SPTLC1: variants seen among roughly 807,000 people sequenced by gnomAD.
SPTLC1 encodes serine palmitoyltransferase long chain base subunit 1.
SPTLC1 carries 55 observed loss-of-function variants against 68.9 expected under a neutral mutation model. That is an observed-to-expected ratio of 0.80 (90% CI 0.64 to 1.00). SPTLC1 has a LOEUF of 1.00. SPTLC1 is among the 50% of genes least tolerant of loss of function. SPTLC1 has a pLI of 0.00. For synonymous variants in SPTLC1, 197 were observed against 201.6 expected, an observed-to-expected ratio of 0.98 and a Z score of 0.19; for missense variants, 449 against 573.1, an observed-to-expected ratio of 0.78 and a Z score of 2.21.
intron 7 of SPTLC1, among the ~76,000 whole-genome samples, chr9:92,056,676 T>C (rs1833903014): frequency 6.6e-6 from 1 of 152,188 alleles, no homozygotes; most frequent in Non-Finnish European, 1.5e-5. Flanking sequence ...ATTACCTTCT[T>C]ACTCAGAGAT....
chr9:92,049,508 C>T (rs75495395), intron 9 of SPTLC1, among the ~76,000 whole-genome samples: 37 of 152,120 alleles, frequency 2.4e-4, no homozygotes, highest in Non-Finnish European at 2.5e-4. Context: ...CACACACACA[C>T]GCACGCACGC....
Position 92,112,463 on chromosome 9 carries a change from T to TA in SPTLC1, c.156dup (p.Thr53TyrfsTer10). 1.3e-6 allele frequency: 2 copies of TA among 1,597,486 alleles called. No homozygotes were observed. Among genetic ancestry groups the TA allele is most frequent in the Non-Finnish European group, 1.7e-6 (2 of 1,166,768 alleles). On this transcript the variant is annotated frameshift_variant, in exon 2 of 15. Transcript: ENST00000262554. LOFTEE classifies it high-confidence loss of function. ...GAGATTTAATTTCGTACCTTGACTGTAAGATCAGATCGTTCTTGTAATTTG... is the reference window on the plus strand; with the variant it reads ...GAGATTTAATTTCGTACCTTGACTGTAAAGATCAGATCGTTCTTGTAATTTG...
At chr9:92,110,284 T>C (rs1347487639) in intron 2 of SPTLC1, 1 of 152,234 alleles carries the variant, frequency 6.6e-6, no homozygotes, top group Non-Finnish European at 1.5e-5. Context: ...TTTATGAATG[T>C]AGATTTGATC....
intron 6 of SPTLC1, among the ~76,000 whole-genome samples, chr9:92,064,136 G>C (rs1224263294): frequency 3.9e-5 from 6 of 152,184 alleles, no homozygotes; most frequent in African/African-American, 1.4e-4. Flanking sequence ...CTAATTAAGT[G>C]AGTTTGGCAA....
At position 92,032,275 on chromosome 9, in the gene SPTLC1, T is replaced by C. The variant is rs552433019; in HGVS notation, c.*190A>G. The stretch of plus-strand genomic sequence containing the variant: ...AAATCAGTTCCTGGGCTTTTAGATG[T>C]GTTTTCTTTTTAAAAAAAATAAGCA... On this transcript the variant is annotated 3_prime_UTR_variant, in exon 15 of 15. Coordinates refer to ENST00000262554, the MANE Select transcript of SPTLC1 (RefSeq NM_006415.4). 17 of 1,531,958 alleles carry C rather than the reference T, an allele frequency of 1.1e-5. No homozygotes were observed. The highest frequency in any genetic ancestry group is 1.5e-5 in the Non-Finnish European group (17 of 1,144,962). 94.9% of individuals were successfully genotyped at this position (1,531,958 alleles called of 1,614,324 possible).
intron 2 of SPTLC1, chr9:92,109,213 C>G (rs1320101816): frequency 5.1e-6 from 1 of 196,074 alleles, no homozygotes; most frequent in African/African-American, 2.3e-5. Flanking sequence ...AAAGTACATT[C>G]CAAGGCCACC....
chr9:92,081,125 A>C (rs1283485671), intron 3 of SPTLC1, among the ~76,000 whole-genome samples, 162 bp from the exon 4 acceptor site: 3 of 152,246 alleles, frequency 2.0e-5, no homozygotes, highest in Non-Finnish European at 4.4e-5. Context: ...AGCATGGTAC[A>C]TTAAAAATAA....
chr9:92,078,434 TG>T (rs768230821), intron 5 of SPTLC1, among the ~76,000 whole-genome samples: 1 of 152,238 alleles, frequency 6.6e-6, no homozygotes, highest in Non-Finnish European at 1.5e-5. Flanking sequence ...CCATCAAGAA[TG>T]GAAGTCAGGA....
chr9:92,104,552 C>G, intron 3 of SPTLC1: 1 of 1,455,954 alleles, frequency 6.9e-7, no homozygotes. Context: ...GTTTGGACAC[C>G]TCAGCCCCGT....
chr9:92,112,648 C>A, intron 1 of SPTLC1, 86 bp from the exon 2 acceptor site: 1 of 816,840 alleles, frequency 1.2e-6, no homozygotes, highest in Non-Finnish European at 2.1e-6. Flanking sequence ...CATATACTGC[C>A]TCCTGTGACT....
chr9:92,035,101 G>A (rs972621169), intron 13 of SPTLC1, among the ~76,000 whole-genome samples: 1 of 152,170 alleles, frequency 6.6e-6, no homozygotes, highest in East Asian at 1.9e-4. Context: ...CCCAGCAGTC[G>A]CCATGAGCCC....
chr9:92,041,853 A>G (rs1833359165), intron 12 of SPTLC1, among the ~76,000 whole-genome samples: 2 of 152,256 alleles, frequency 1.3e-5, no homozygotes, highest in Non-Finnish European at 1.5e-5. Context: ...AGACAAATTT[A>G]TGATTTACCT....
In SPTLC1 at chr9:92,055,504, A is replaced by G; in HGVS notation, c.691-10T>C. 6.2e-7 allele frequency: 1 copy of G among 1,611,792 alleles called. No homozygotes were observed. The highest frequency in any genetic ancestry group is 8.5e-7 in the Non-Finnish European group (1 of 1,179,770). On this transcript the variant is annotated splice_polypyrimidine_tract_variant and intron_variant, in intron 7 of 14. Coordinates refer to ENST00000262554, the MANE Select transcript of SPTLC1 (RefSeq NM_006415.4). ...GAGCCTTGCGAGGATTCTTTAAAAG[A>G]GAAAAAGCAGACATCTTACATTTCA...
chr9:92,081,620 G>C (rs1367791577), intron 3 of SPTLC1, among the ~76,000 whole-genome samples: 1 of 152,188 alleles, frequency 6.6e-6, no homozygotes. Flanking sequence ...CGAGCCATGA[G>C]CCATGTTTCA....
intron 6 of SPTLC1, 129 bp downstream of exon 6, chr9:92,067,837 G>C: frequency 1.8e-6 from 2 of 1,107,392 alleles, no homozygotes; most frequent in Admixed American, 2.1e-5. Flanking sequence ...CTTTGGTGAG[G>C]TGACTATTTC....
In SPTLC1 at chr9:92,045,954, T is replaced by C. The variant is rs1213152843; in HGVS notation, c.1136+45A>G. ...AAAACTTTCCATTAGTTGTTAAGTG[T>C]GGTGCAGATAAACTTTATGTTGGTT... On this transcript the variant is annotated intron_variant, in intron 12 of 14. Coordinates refer to ENST00000262554, the MANE Select transcript of SPTLC1 (RefSeq NM_006415.4). 3.3e-6 allele frequency: 5 copies of C among 1,533,028 alleles called. No homozygotes were observed. The Admixed American group carries it at 5.1e-5, about 16-fold the overall frequency. 95.0% of individuals were successfully genotyped at this position (1,533,028 alleles called of 1,614,324 possible). A position where few individuals can be genotyped will look rare whatever the true frequency, so the allele number is the denominator to read the frequency against.
In SPTLC1 at chr9:92,055,509, A is replaced by T; in HGVS notation, c.691-15T>A. On this transcript the variant is annotated splice_polypyrimidine_tract_variant and intron_variant, in intron 7 of 14. Transcript: ENST00000262554. ...TTGCGAGGATTCTTTAAAAGAGAAAAAGCAGACATCTTACATTTCAGTAAC... is the reference window on the plus strand; with the variant it reads ...TTGCGAGGATTCTTTAAAAGAGAAATAGCAGACATCTTACATTTCAGTAAC... 6.2e-7 allele frequency: 1 copy of T among 1,611,462 alleles called. No homozygotes were observed. Among genetic ancestry groups the T allele is most frequent in the Non-Finnish European group, 8.5e-7 (1 of 1,179,638 alleles).
intron 6 of SPTLC1, among the ~76,000 whole-genome samples, chr9:92,059,859 G>A (rs1448936730): frequency 2.6e-5 from 4 of 152,070 alleles, no homozygotes; most frequent in Non-Finnish European, 5.9e-5. Context: ...GTAACAAGGC[G>A]ACACACCTCC....
At chr9:92,114,979 TTTTCACCA>T in intron 1 of SPTLC1, 2 of 423,966 alleles carry the variant, frequency 4.7e-6, no homozygotes, top group South Asian at 2.4e-5. Context: ...GTTCCACTCA[TTTTCACCA>T]CTCCGTTTTA....
Sources: gnomAD v4.1 joint callset for allele counts (sites outside exome capture counted in the v4.1 genomes callset) on GRCh38, gnomAD v4.1.1 for gene constraint, MANE v1.5 for transcripts, NCBI Gene and HGNC (gene_info 2026-07-23, HGNC 2026-07-21) for gene names.